Variants in RTTN observed in about 807,000 individuals in gnomAD.
RTTN encodes rotatin.
RTTN carries 182 observed loss-of-function variants against 269.2 expected under a neutral mutation model. The ratio of observed to expected loss-of-function variants is 0.68; its 90% CI spans 0.60 to 0.76. The LOEUF (loss-of-function observed/expected upper bound fraction) is 0.76. RTTN is among the 30% of genes least tolerant of loss of function. RTTN has a pLI of 0.00. For missense variants in RTTN, 2,545 were observed against 2,608.6 expected, an observed-to-expected ratio of 0.98 and a Z score of 0.53; for synonymous variants, 1,006 against 963.5, an observed-to-expected ratio of 1.04 and a Z score of -0.82.
intron 42 of RTTN, 39 bp downstream of exon 42, chr18:70,029,973 G>A (rs1270817380): frequency 7.1e-7 from 1 of 1,407,228 alleles, no homozygotes. Context: ...CTGGAGAATG[G>A]TCTCTATATA....
chr18:70,196,367 G>T, intron 7 of RTTN, 134 bp downstream of exon 7: 4 of 629,062 alleles, frequency 6.4e-6, no homozygotes, highest in Non-Finnish European at 7.8e-6. Context: ...ATAATCATTT[G>T]AATACATTTA....
chr18:70,073,884 C>G, intron 34 of RTTN, 22 bp downstream of exon 34: 1 of 1,554,846 alleles, frequency 6.4e-7, no homozygotes. Flanking sequence ...AAATAAAGGA[C>G]TTATGCATTC....
rs1007681564 is a variant in RTTN at position 70,139,659 on chromosome 18, C to T, written c.2728G>A (p.Asp910Asn). ...LTLLRKVLCG[D>N]PVMRVSLSQQ... is the part of the protein sequence containing the mutation. ...GAGAGCGAAACACGCATGACTGGAT[C>T]ACCACATAAAACCTTCCTCAAGAGT... The change falls in exon 21 of 49, where the codon GAT (aspartate) becomes AAT (asparagine). Residue 910 changes from aspartate to asparagine, a missense_variant. Coordinates refer to ENST00000640769, the MANE Select transcript of RTTN (RefSeq NM_173630.4). 3.1e-6 allele frequency: 5 copies of T among 1,613,476 alleles called. No individual in the cohort carries two copies. In the African/African-American group the frequency reaches 5.3e-5, roughly 17 times the overall value.
chr18:70,066,346 T>C (rs751974928), intron 34 of RTTN, among the ~76,000 whole-genome samples: 9 of 152,196 alleles, frequency 5.9e-5, no homozygotes, highest in Non-Finnish European at 1.2e-4. Flanking sequence ...CCTAAAAAAT[T>C]AGAAGTATTA....
At chr18:70,031,242 G>A (rs1240961505) in intron 40 of RTTN, 11 of 523,654 alleles carry the variant, frequency 2.1e-5, no homozygotes, top group Non-Finnish European at 3.3e-5. Context: ...TAGCTTTCAC[G>A]TAGCAAGCTC....
chr18:70,148,164 A>G (rs905860656), intron 17 of RTTN, among the ~76,000 whole-genome samples: 2 of 152,156 alleles, frequency 1.3e-5, no homozygotes, highest in African/African-American at 4.8e-5. Context: ...CAAATTATCC[A>G]TTGTGAAAAG....
At chr18:70,203,913 C>T (rs757736368) in intron 3 of RTTN, among the ~76,000 whole-genome samples, 173 bp downstream of exon 3, 2 of 152,104 alleles carry the variant, frequency 1.3e-5, no homozygotes, top group Admixed American at 1.3e-4. Flanking sequence ...AATGTACCAT[C>T]CTTTGACTAA....
Position 70,048,038 on chromosome 18 carries a change from G to A in RTTN, c.5474C>T (p.Ala1825Val). 4 of 1,614,106 alleles carry A rather than the reference G, an allele frequency of 2.5e-6. No homozygotes were observed. Among genetic ancestry groups the A allele is most frequent in the Non-Finnish European group, 3.4e-6 (4 of 1,179,970 alleles). ...TTCCTGAGAGTCATCAAGAAGTGAAGCCACTGTTGGACTACAGCATAAATG... is the reference window on the plus strand; with the variant it reads ...TTCCTGAGAGTCATCAAGAAGTGAAACCACTGTTGGACTACAGCATAAATG... ...KTHLCCSPTV[A>V]SLLDDSQENQ... is the part of the protein sequence containing the mutation. The change falls in exon 40 of 49, where the codon GCT becomes GTT. Residue 1825 changes from alanine (A) to valine (V), a missense_variant. By Grantham distance (64) the Ala-to-Val change is moderately conservative. Coordinates refer to ENST00000640769, the MANE Select transcript of RTTN (RefSeq NM_173630.4).
intron 14 of RTTN, among the ~76,000 whole-genome samples, chr18:70,156,430 T>C (rs1356197289): frequency 6.6e-6 from 1 of 152,208 alleles, no homozygotes; most frequent in African/African-American, 2.4e-5. Flanking sequence ...GATAAGATGT[T>C]ATCAATGACA....
chr18:70,191,603 G>A (rs1034001359), intron 8 of RTTN, among the ~76,000 whole-genome samples: 8 of 152,148 alleles, frequency 5.3e-5, no homozygotes, highest in South Asian at 4.1e-4. Flanking sequence ...TTCTTACCTC[G>A]GATGTAAAGT....
Position 70,197,621 on chromosome 18 carries a change from G to T in RTTN, c.693+3C>A. On this transcript the variant is annotated splice_donor_region_variant and intron_variant, in intron 6 of 48. Coordinates refer to ENST00000640769, the MANE Select transcript of RTTN (RefSeq NM_173630.4). ...ATCTAAAACAATTATAGAGGGCACT[G>T]ACCTGAACAATTTTTGGCCTTTGAA... 6.3e-7 allele frequency: 1 copy of T among 1,581,750 alleles called. No individual in the cohort carries two copies. The highest frequency in any genetic ancestry group is 8.7e-7 in the Non-Finnish European group (1 of 1,150,504).
intron 35 of RTTN, among the ~76,000 whole-genome samples, chr18:70,064,334 T>G (rs1362083684): frequency 3.6e-5 from 1 of 27,456 alleles, no homozygotes; most frequent in Non-Finnish European, 7.4e-5. Flanking sequence ...TGAGACTGCC[T>G]CCAAAAAAAA....
chr18:70,106,396 T>A (rs1238566520), intron 28 of RTTN, among the ~76,000 whole-genome samples: 2 of 152,138 alleles, frequency 1.3e-5, no homozygotes, highest in African/African-American at 4.8e-5. Context: ...AATAGCCACA[T>A]ATATAAATTG....
At chr18:70,071,850 G>A (rs2058304439) in intron 34 of RTTN, among the ~76,000 whole-genome samples, 1 of 152,090 alleles carries the variant, frequency 6.6e-6, no homozygotes, top group South Asian at 2.1e-4. Context: ...TCCTTGGAAA[G>A]ATAAAATGGA....
At chr18:70,040,834 A>G (rs2057318159) in intron 40 of RTTN, among the ~76,000 whole-genome samples, 1 of 152,226 alleles carries the variant, frequency 6.6e-6, no homozygotes, top group African/African-American at 2.4e-5. Flanking sequence ...TTTGGAAACT[A>G]TACAAACATA....
At position 70,028,796 on chromosome 18, in the gene RTTN, A is replaced by C. The variant is rs1599166825; in HGVS notation, c.5751T>G (p.Asp1917Glu). 4 of 1,608,974 alleles carry C rather than the reference A, an allele frequency of 2.5e-6. No individual in the cohort carries two copies. Among genetic ancestry groups the C allele is most frequent in the Admixed American group, 3.3e-5 (2 of 59,810 alleles). The change falls in exon 43 of 49, where the codon GAT becomes GAG. Residue 1917 changes from aspartate to glutamate, a missense_variant. Physicochemically the swap from Asp to Glu is conservative, Grantham distance 45 (BLOSUM62 2). Transcript: ENST00000640769. ...PGKAALKKKE[D>E]GVIKELSIAM... ...CAATGCTTAACTCTTTAATAACACC[A>C]TCCTCCTATTTAAACAAAAAGCAGT...
chr18:70,006,770 A>G lies in RTTN; in HGVS notation c.6422-286T>C, dbSNP rs980553745. ...ATTCATTTAAAGACCACAAGTGTGT[A>G]AAAATAAGTATACAATTAGGTACAT... On this transcript the variant is annotated intron_variant, in intron 46 of 48. Coordinates refer to ENST00000640769, the MANE Select transcript of RTTN (RefSeq NM_173630.4). 10 of 314,618 alleles carry G rather than the reference A, an allele frequency of 3.2e-5. No individual in the cohort carries two copies. The East Asian group carries it at 6.0e-4, about 19-fold the overall frequency. The allele number at this position is 314,618 out of a possible 1,614,324, so 19.5% of individuals were successfully genotyped here.
At chr18:70,034,245 C>G (rs955745678) in intron 40 of RTTN, among the ~76,000 whole-genome samples, 1 of 151,938 alleles carries the variant, frequency 6.6e-6, no homozygotes, top group Admixed American at 6.6e-5. Context: ...CTGGCAGAGA[C>G]ACAACAACAA....
At chr18:70,132,988 T>C (rs2145656767) in intron 23 of RTTN, among the ~76,000 whole-genome samples, 1 of 152,244 alleles carries the variant, frequency 6.6e-6, no homozygotes, top group South Asian at 2.1e-4. Context: ...GCTTTGCTTA[T>C]GATGAAAATG....
Sources: allele counts gnomAD v4.1 joint callset (sites outside exome capture counted in the v4.1 genomes callset), GRCh38; gene constraint gnomAD v4.1.1; transcripts MANE v1.5; gene names NCBI Gene and HGNC (gene_info 2026-07-23, HGNC 2026-07-21).